Variants in SLC39A14 observed in about 807,000 individuals in gnomAD.
SLC39A14 encodes the protein metal cation symporter ZIP14.
In SLC39A14, 19 loss-of-function variants were observed where a neutral mutation model predicts 45.5. The observed-to-expected ratio is 0.42, with a 90% CI of 0.29 to 0.61. The LOEUF (loss-of-function observed/expected upper bound fraction) is 0.61, where lower values mean the gene tolerates loss of function less well. Ranked by LOEUF, SLC39A14 falls within the 20% of genes least tolerant of loss-of-function variation. The pLI, the probability that SLC39A14 is intolerant of heterozygous loss-of-function variation, is 0.22. For missense variants in SLC39A14, 447 were observed against 616.5 expected, an observed-to-expected ratio of 0.73 and a Z score of 2.91; for synonymous variants, 264 against 251.3, an observed-to-expected ratio of 1.05 and a Z score of -0.48.
At chr8:22,403,955 A>C (rs1325399098) in intron 1 of SLC39A14, among the ~76,000 whole-genome samples, 1 of 152,052 alleles carries the variant, frequency 6.6e-6, no homozygotes, top group East Asian at 1.9e-4. Context: ...CTAGACAGAG[A>C]GTCTGATGAA....
intron 1 of SLC39A14, among the ~76,000 whole-genome samples, chr8:22,389,259 C>G (rs1056039149): frequency 3.9e-5 from 6 of 152,304 alleles, no homozygotes; most frequent in East Asian, 1.9e-4. Flanking sequence ...TTTGCACTTC[C>G]AGCTAGTTCC....
chr8:22,425,883 G>GTTTTT (rs72023394), downstream of SLC39A14, among the ~76,000 whole-genome samples: 682 of 140,610 alleles, frequency 4.9e-3, 19 homozygotes, highest in Non-Finnish European at 6.3e-3. Flanking sequence ...GCTCTAGATG[G>GTTTTT]TTTTTGTTTT....
At chr8:22,408,559 T>A in intron 3 of SLC39A14, 63 bp downstream of exon 3, 1 of 1,449,942 alleles carries the variant, frequency 6.9e-7, no homozygotes, top group Non-Finnish European at 9.3e-7. Flanking sequence ...CAAGGACCCC[T>A]GGGCTGAGCT....
intron 4 of SLC39A14, among the ~76,000 whole-genome samples, chr8:22,412,689 T>A (rs547328193): frequency 1.3e-5 from 2 of 152,224 alleles, no homozygotes; most frequent in Non-Finnish European, 1.5e-5. Context: ...CACACCTATA[T>A]TCCCAGCACT....
At chr8:22,386,820 A>G (rs1833820147) in intron 1 of SLC39A14, among the ~76,000 whole-genome samples, 1 of 152,200 alleles carries the variant, frequency 6.6e-6, no homozygotes, top group African/African-American at 2.4e-5. Context: ...GTGTCTTCAG[A>G]TTCAGAGAGT....
At chr8:22,411,686 C>T (rs1835577173) in intron 3 of SLC39A14, among the ~76,000 whole-genome samples, 1 of 152,204 alleles carries the variant, frequency 6.6e-6, no homozygotes, top group Non-Finnish European at 1.5e-5. Flanking sequence ...TGTGACGAGG[C>T]AGCACCCTGC....
chr8:22,415,855 C>A lies in SLC39A14; in HGVS notation c.837C>A (p.Asn279Lys). Residue 279 changes from asparagine to lysine, a missense_variant, in exon 6 of 9, where the codon AAC becomes AAA. By Grantham distance (94) the Asn-to-Lys change is moderately conservative (BLOSUM62 0). Coordinates refer to ENST00000381237, the MANE Select transcript of SLC39A14 (RefSeq NM_001128431.4). ...QEEGVMEKLQ[N>K]GDLDHMIPQH... Reference sequence around the variant, plus strand: ...AGGGGGTGATGGAGAAGCTGCAGAACGGGGACCTGGACCACATGATTCCTC... The same window carrying A: ...AGGGGGTGATGGAGAAGCTGCAGAAAGGGGACCTGGACCACATGATTCCTC... 1 of 1,613,380 alleles carries A rather than the reference C, an allele frequency of 6.2e-7. No homozygotes were observed. The highest frequency in any genetic ancestry group is 1.1e-5 in the South Asian group (1 of 90,950).
intron 1 of SLC39A14, among the ~76,000 whole-genome samples, chr8:22,396,403 GAGAGAGA>G (rs1834396770): frequency 1.3e-4 from 1 of 7,960 alleles, no homozygotes; most frequent in African/African-American, 1.7e-3. Context: ...GAGAGAGAGA[GAGAGAGA>G]GAGGGGGGGG....
intron 1 of SLC39A14, among the ~76,000 whole-genome samples, chr8:22,384,011 T>A (rs1483653054): frequency 1.3e-5 from 2 of 152,098 alleles, no homozygotes; most frequent in Non-Finnish European, 2.9e-5. Flanking sequence ...ATGTCTCAGT[T>A]CCTGTTCCCA....
intron 1 of SLC39A14, chr8:22,398,651 C>T (rs747311108): frequency 1.6e-5 from 14 of 895,928 alleles, no homozygotes; most frequent in South Asian, 5.1e-5. Flanking sequence ...CTAGACCCAG[C>T]GTCACAGAAG....
At chr8:22,409,565 A>C in intron 3 of SLC39A14, among the ~76,000 whole-genome samples, 1 of 151,982 alleles carries the variant, frequency 6.6e-6, no homozygotes, top group Admixed American at 6.5e-5. Flanking sequence ...TGTATTTAGT[A>C]GAGATGGGGT....
intron 3 of SLC39A14, among the ~76,000 whole-genome samples, chr8:22,410,785 G>C (rs909820934): frequency 1.3e-5 from 2 of 152,144 alleles, no homozygotes; most frequent in African/African-American, 4.8e-5. Context: ...TTGTTTAATT[G>C]TTATCATAGA....
intron 1 of SLC39A14, among the ~76,000 whole-genome samples, chr8:22,399,260 C>T (rs1277978270): frequency 1.3e-5 from 2 of 152,216 alleles, no homozygotes; most frequent in Non-Finnish European, 2.9e-5. Context: ...GTCCCAGCGG[C>T]GTCAACAGCT....
Position 22,422,470 on chromosome 8 carries a change from C to T in SLC39A14, c.*2772C>T, listed in dbSNP as rs925342880. 39 of 985,716 alleles carry T rather than the reference C, an allele frequency of 4.0e-5. No homozygotes were observed. The highest frequency in any genetic ancestry group is 4.7e-5 in the Non-Finnish European group (39 of 829,942). The allele number at this position is 985,716 out of a possible 1,614,324, so 61.1% of individuals were successfully genotyped here. A position where few individuals can be genotyped will look rare whatever the true frequency, so the allele number is the denominator to read the frequency against. On this transcript the variant is annotated 3_prime_UTR_variant, in exon 9 of 9. Transcript: ENST00000381237. ...TCCAAAGAGATGGCAATATGCTGGGCATCTACTTTAAAACAAAGTTGTCTG... is the reference window on the plus strand; with the variant it reads ...TCCAAAGAGATGGCAATATGCTGGGTATCTACTTTAAAACAAAGTTGTCTG...
rs574718059 is a variant in SLC39A14 at position 22,409,246 on chromosome 8, T to C, written c.457+750T>C. ...CAGTGGGCTTGCCACGAGCTGTGAGTGTACACCCTGATAGCCCTAAGCCCC... is the reference window on the plus strand; with the variant it reads ...CAGTGGGCTTGCCACGAGCTGTGAGCGTACACCCTGATAGCCCTAAGCCCC... On this transcript the variant is annotated intron_variant, in intron 3 of 8. Transcript: ENST00000381237. 3.9e-5 allele frequency among the ~76,000 whole-genome samples: 6 copies of C among 152,322 alleles called. No individual in the cohort carries two copies. The East Asian group carries it at 7.7e-4, about 20-fold the overall frequency.
In SLC39A14 at chr8:22,368,180, C is replaced by T. The variant is rs181286443; in HGVS notation, c.-16+772C>T. Among the ~76,000 whole-genome samples, 142 of 152,256 alleles carry T rather than the reference C, an allele frequency of 9.3e-4. 1 individual carries two copies. Among genetic ancestry groups the T allele is most frequent in the African/African-American group, 3.2e-3 (133 of 41,548 alleles). On this transcript the variant is annotated intron_variant, in intron 1 of 8. Transcript: ENST00000381237. ...CGGCTGTACAGGAGGACTCCGGACA[C>T]AATTGGGGAGTGGCTAAGTGCTCTC...
intron 1 of SLC39A14, among the ~76,000 whole-genome samples, chr8:22,404,109 T>C (rs1835052077): frequency 6.6e-6 from 1 of 152,036 alleles, no homozygotes; most frequent in Admixed American, 6.6e-5. Flanking sequence ...GTTATTTCAG[T>C]ACCTCTAAAA....
At chr8:22,368,905 T>C (rs1832788769) in intron 1 of SLC39A14, among the ~76,000 whole-genome samples, 1 of 152,106 alleles carries the variant, frequency 6.6e-6, no homozygotes, top group African/African-American at 2.4e-5. Context: ...CTTGGATGCA[T>C]ATCCCCCGGG....
At chr8:22,404,449 C>T (rs571275327) in intron 1 of SLC39A14, 3,614 of 276,526 alleles carry the variant, frequency 0.013, 180 homozygotes, top group African/African-American at 0.098. Flanking sequence ...AAATCATAAC[C>T]GCATTGCTGT....
Sources: gnomAD v4.1 joint callset for allele counts (sites outside exome capture counted in the v4.1 genomes callset) on GRCh38, gnomAD v4.1.1 for gene constraint, MANE v1.5 for transcripts, NCBI Gene and HGNC (gene_info 2026-07-23, HGNC 2026-07-21) for gene names.